SEMA3A: variants seen among roughly 807,000 people sequenced by gnomAD.
The protein encoded by SEMA3A is semaphorin 3A.
SEMA3A carries 29 observed loss-of-function variants against 97.9 expected under a neutral mutation model. The ratio of observed to expected loss-of-function variants is 0.30; its 90% CI spans 0.22 to 0.40. SEMA3A has a LOEUF of 0.40. Ranked by LOEUF, SEMA3A falls within the 10% of genes least tolerant of loss-of-function variation. The probability of loss-of-function intolerance (pLI) is 1.00; values close to 1 mark genes in which losing one functional copy is unlikely to be tolerated. For missense variants in SEMA3A, 763 were observed against 951.3 expected, an observed-to-expected ratio of 0.80 and a Z score of 2.60; for synonymous variants, 321 against 323.7, an observed-to-expected ratio of 0.99 and a Z score of 0.09.
At chr7:84,131,864 C>G (rs1795971752) in intron 2 of SEMA3A, among the ~76,000 whole-genome samples, 1 of 152,150 alleles carries the variant, frequency 6.6e-6, no homozygotes, top group African/African-American at 2.4e-5. Flanking sequence ...ATGATCACAG[C>G]TCACTGCAGG....
At chr7:84,332,013 G>C (rs985726420) in intron 2 of SEMA3A, among the ~76,000 whole-genome samples, 4 of 152,038 alleles carry the variant, frequency 2.6e-5, no homozygotes, top group Non-Finnish European at 5.9e-5. Flanking sequence ...CTGACTCCTG[G>C]TCATTTCTTT....
At chr7:84,427,699 G>GT (rs576516961) in intron 1 of SEMA3A, among the ~76,000 whole-genome samples, 141 of 124,368 alleles carry the variant, frequency 1.1e-3, no homozygotes, top group East Asian at 7.7e-3. Context: ...ACAATTAATA[G>GT]TTTTTTTATG....
At chr7:84,165,267 T>A (rs1797164686) in intron 1 of SEMA3A, among the ~76,000 whole-genome samples, 2 of 152,120 alleles carry the variant, frequency 1.3e-5, no homozygotes, top group Admixed American at 1.3e-4. Context: ...CAACATCTCA[T>A]CAAGAAATGC....
In SEMA3A at chr7:84,240,398, C is replaced by G. The variant is rs146510180; in HGVS notation, c.-82-45730G>C. The stretch of plus-strand genomic sequence containing the variant: ...CCTGTTTGGTCCCTAAATGTCATCA[C>G]AAATGTCCTTATAAGAGAGAGGGCG... On this transcript the variant is annotated intron_variant, in intron 3 of 3. Coordinates refer to the SEMA3A transcript ENST00000424555. Among the ~76,000 whole-genome samples, 791 of 143,254 alleles carry G rather than the reference C, an allele frequency of 5.5e-3. 7 individuals carry two copies. The highest frequency in any genetic ancestry group is 9.3e-3 in the Non-Finnish European group (618 of 66,478). The allele number at this position is 143,254 out of a possible 152,430, so 94.0% of individuals were successfully genotyped here.
At chr7:84,214,620 C>T (rs1798702180) in intron 3 of SEMA3A, among the ~76,000 whole-genome samples, 1 of 151,790 alleles carries the variant, frequency 6.6e-6, no homozygotes, top group Non-Finnish European at 1.5e-5. Flanking sequence ...CATAAATAAT[C>T]AAAGGCCAAA....
chr7:84,048,536 T>C (rs1792455352), intron 5 of SEMA3A, among the ~76,000 whole-genome samples: 1 of 151,910 alleles, frequency 6.6e-6, no homozygotes, highest in South Asian at 2.1e-4. Context: ...TAAAAGTGCA[T>C]TGTCAAAACA....
chr7:84,155,433 A>G (rs1187507556), intron 1 of SEMA3A, among the ~76,000 whole-genome samples: 2 of 152,148 alleles, frequency 1.3e-5, no homozygotes, highest in African/African-American at 4.8e-5. Flanking sequence ...TGCTTTGGGC[A>G]GGTATGCTTC....
intron 3 of SEMA3A, among the ~76,000 whole-genome samples, chr7:84,126,320 T>C (rs531474295): frequency 9.2e-5 from 14 of 152,054 alleles, no homozygotes; most frequent in Non-Finnish European, 1.6e-4. Flanking sequence ...ATTCTCCTGC[T>C]TCAACCTCCC....
intron 5 of SEMA3A, among the ~76,000 whole-genome samples, chr7:84,056,572 A>T (rs1792985530): frequency 6.6e-6 from 1 of 151,960 alleles, no homozygotes; most frequent in South Asian, 2.1e-4. Context: ...GAAATTAGAA[A>T]CAGAAGGGGG....
At chr7:84,223,180 G>A (rs1221617414) in intron 3 of SEMA3A, among the ~76,000 whole-genome samples, 2 of 151,786 alleles carry the variant, frequency 1.3e-5, no homozygotes, top group African/African-American at 4.8e-5. Flanking sequence ...TAAGAAAAGT[G>A]CCAGAGTCTC....
intron 3 of SEMA3A, among the ~76,000 whole-genome samples, chr7:84,306,861 G>C (rs1801169328): frequency 6.6e-6 from 1 of 152,106 alleles, no homozygotes; most frequent in African/African-American, 2.4e-5. Flanking sequence ...TTTGTGGATA[G>C]CAATATGCTC....
At chr7:84,312,869 G>A (rs1361004033) in intron 2 of SEMA3A, among the ~76,000 whole-genome samples, 1 of 46,250 alleles carries the variant, frequency 2.2e-5, no homozygotes, top group Non-Finnish European at 3.6e-5. Context: ...TTTTGGTGTT[G>A]TTTTATATAT....
chr7:84,421,744 C>A (rs373613209), intron 1 of SEMA3A, among the ~76,000 whole-genome samples: 2 of 151,938 alleles, frequency 1.3e-5, no homozygotes, highest in East Asian at 1.9e-4. Context: ...TGAATTTTAT[C>A]GAAGGCCTTT....
At chr7:84,308,346 TA>T (rs1390849199) in intron 2 of SEMA3A, among the ~76,000 whole-genome samples, 1 of 152,192 alleles carries the variant, frequency 6.6e-6, no homozygotes, top group African/African-American at 2.4e-5. Flanking sequence ...CAGAAAATGG[TA>T]CCCCAAATGT....
At chr7:83,979,160 G>A (rs1268528045) in intron 14 of SEMA3A, among the ~76,000 whole-genome samples, 1 of 144,332 alleles carries the variant, frequency 6.9e-6, no homozygotes, top group African/African-American at 2.6e-5. Context: ...TCGAGACAGA[G>A]TCTTGCTTTG....
intron 2 of SEMA3A, among the ~76,000 whole-genome samples, chr7:84,337,878 C>T (rs1452068815): frequency 1.3e-5 from 2 of 151,960 alleles, no homozygotes; most frequent in Non-Finnish European, 2.9e-5. Context: ...AAATGTTTCT[C>T]AACAATAAAT....
rs138254614 is a variant in SEMA3A at position 84,311,785 on chromosome 7, C to A, written c.-168-4493G>T. Among the ~76,000 whole-genome samples the A allele has an allele frequency of 5.0e-3, 763 of 151,980 alleles. 6 individuals carry two copies. Among genetic ancestry groups the A allele is most frequent in the African/African-American group, 0.017 (720 of 41,490 alleles). ...AAACTTATCAGTTGTGCAATTGAAA[C>A]CTTTTCATAGTTAAGATTTTCTCCC... On this transcript the variant is annotated intron_variant, in intron 2 of 3. Transcript: ENST00000424555.
intron 2 of SEMA3A, among the ~76,000 whole-genome samples, chr7:84,325,117 C>CTCTA (rs60907885): frequency 0.19 from 27,669 of 148,938 alleles, 2,658 homozygotes; most frequent in East Asian, 0.33. Flanking sequence ...ATGTATATAT[C>CTCTA]TCTATCTATC....
intron 1 of SEMA3A, among the ~76,000 whole-genome samples, chr7:84,152,151 A>C (rs536551371): frequency 6.6e-6 from 1 of 151,830 alleles, no homozygotes; most frequent in Non-Finnish European, 1.5e-5. Context: ...TCAGGGATCT[A>C]GAACTAGAAA....
Sources: allele counts gnomAD v4.1 joint callset (sites outside exome capture counted in the v4.1 genomes callset), GRCh38; gene constraint gnomAD v4.1.1; transcripts MANE v1.5; gene names NCBI Gene and HGNC (gene_info 2026-07-23, HGNC 2026-07-21).